The following OPCML variants were observed in gnomAD, a reference collection of about 807,000 sequenced individuals.
OPCML encodes the protein opioid binding protein/cell adhesion molecule like.
A neutral mutation model predicts 37.8 loss-of-function variants in OPCML; 13 were observed. That is an observed-to-expected ratio of 0.34 (90% CI 0.22 to 0.55). The LOEUF (loss-of-function observed/expected upper bound fraction) is 0.55. OPCML is among the 20% of genes least tolerant of loss of function. The probability of loss-of-function intolerance (pLI) is 0.91; values close to 1 mark genes in which losing one functional copy is unlikely to be tolerated. For missense variants in OPCML, 341 were observed against 435.6 expected (o/e 0.78, Z 1.93); for synonymous variants, 176 against 168.8 (o/e 1.04, Z -0.33).
chr11:133,056,640 A>C (rs1262873252), intron 1 of OPCML, among the ~76,000 whole-genome samples: 1 of 152,214 alleles, frequency 6.6e-6, no homozygotes. Context: ...TGATGTTATT[A>C]CCTGATTAAT....
At chr11:133,223,926 G>A (rs1014416030) in intron 1 of OPCML, among the ~76,000 whole-genome samples, 3 of 152,102 alleles carry the variant, frequency 2.0e-5, no homozygotes, top group African/African-American at 7.2e-5. Flanking sequence ...CACCACCAAC[G>A]TGGCCAGTAA....
chr11:132,878,914 G>T lies in OPCML; in HGVS notation c.146+64012C>A, dbSNP rs77098733. ...CAAGGATCTGAGCGTTGAGTACTTC[G>T]TATTTCATTTTGCATACTCTGGTTA... On this transcript the variant is annotated intron_variant, in intron 2 of 7. Transcript: ENST00000524381. Among the ~76,000 whole-genome samples, 460 of 152,228 alleles carry T rather than the reference G, an allele frequency of 3.0e-3. 2 individuals carry two copies. The highest frequency in any genetic ancestry group is 5.3e-3 in the Non-Finnish European group (361 of 68,016).
intron 4 of OPCML, among the ~76,000 whole-genome samples, chr11:132,484,812 G>A (rs901514601): frequency 6.6e-5 from 10 of 152,112 alleles, no homozygotes; most frequent in East Asian, 1.9e-4. Context: ...GTAAACTATC[G>A]CAAGAACAAA....
At chr11:133,355,622 TCTC>T (rs1392780564) in intron 1 of OPCML, among the ~76,000 whole-genome samples, 1 of 152,150 alleles carries the variant, frequency 6.6e-6, no homozygotes, top group Non-Finnish European at 1.5e-5. Flanking sequence ...TGGGTTCTCT[TCTC>T]CCAACCCTCA....
rs555111597 is a variant in OPCML, at chr11:132,893,958, C to T, written c.146+48968G>A. Among the ~76,000 whole-genome samples the T allele has an allele frequency of 1.5e-4, 23 of 152,246 alleles. 1 individual carries two copies. Among genetic ancestry groups the T allele is most frequent in the African/African-American group, 4.3e-4 (18 of 41,536 alleles). ...TGAAAACTTCTAGAAGCTAAAGATG[C>T]GTCTTTACATCACACACACACACAA... On this transcript the variant is annotated intron_variant, in intron 2 of 7. Coordinates refer to ENST00000524381, the MANE Select transcript of OPCML (RefSeq NM_001012393.5).
chr11:133,028,347 C>G (rs1689029786), intron 1 of OPCML, among the ~76,000 whole-genome samples: 1 of 152,160 alleles, frequency 6.6e-6, no homozygotes, highest in Non-Finnish European at 1.5e-5. Flanking sequence ...ATACCATCCT[C>G]TCCTGAAGGT....
intron 1 of OPCML, among the ~76,000 whole-genome samples, chr11:133,362,959 C>T (rs1025079563): frequency 3.9e-5 from 6 of 152,192 alleles, no homozygotes; most frequent in Admixed American, 2.0e-4. Context: ...AACCAGCGTG[C>T]TCTCTTGTTT....
chr11:132,943,163 G>C lies in OPCML; in HGVS notation c.62-153C>G. ...TGGTCCCCCGCCCCGCGCACCAGCG[G>C]GCTCGGGAAGCGGTGCGGGGAGGAG... On this transcript the variant is annotated intron_variant, in intron 1 of 7. Coordinates refer to ENST00000524381, the MANE Select transcript of OPCML (RefSeq NM_001012393.5). The surrounding 1 kb of genome is among the most constrained non-coding windows in gnomAD (Gnocchi z 4.3). 3 of 1,599,908 alleles carry C rather than the reference G, an allele frequency of 1.9e-6. No homozygotes were observed. The highest frequency in any genetic ancestry group is 2.6e-6 in the Non-Finnish European group (3 of 1,169,634).
intron 2 of OPCML, among the ~76,000 whole-genome samples, chr11:132,774,845 T>G (rs532467438): frequency 2.0e-5 from 3 of 152,324 alleles, no homozygotes; most frequent in South Asian, 4.2e-4. Flanking sequence ...TATTGATTAA[T>G]ACAAATAGCA....
At chr11:132,753,380 A>G (rs1945906198) in intron 2 of OPCML, among the ~76,000 whole-genome samples, 1 of 152,202 alleles carries the variant, frequency 6.6e-6, no homozygotes, top group Admixed American at 6.5e-5. Context: ...TCCAAGAACA[A>G]TATACTAGGA....
At chr11:132,425,881 G>A (rs1053771565) in intron 7 of OPCML, among the ~76,000 whole-genome samples, 13 of 152,210 alleles carry the variant, frequency 8.5e-5, no homozygotes, top group African/African-American at 2.7e-4. Flanking sequence ...CACATTTAAG[G>A]ACTCTTTCTC....
At chr11:133,249,467 T>A (rs181882437) in intron 1 of OPCML, among the ~76,000 whole-genome samples, 1 of 152,130 alleles carries the variant, frequency 6.6e-6, no homozygotes, top group Non-Finnish European at 1.5e-5. Flanking sequence ...ACATTGCGGA[T>A]CAAATTTCAA....
intron 1 of OPCML, among the ~76,000 whole-genome samples, chr11:133,035,792 T>C (rs10791271): frequency 0.15 from 22,210 of 152,058 alleles, 1,924 homozygotes; most frequent in Admixed American, 0.29. Flanking sequence ...GAAGAGGACA[T>C]TTGGACACAT....
intron 1 of OPCML, among the ~76,000 whole-genome samples, chr11:133,181,073 T>C (rs1187160727): frequency 2.0e-5 from 3 of 152,168 alleles, no homozygotes; most frequent in Non-Finnish European, 4.4e-5. Flanking sequence ...ACTGCAAAAT[T>C]TCATTTGTGT....
intron 1 of OPCML, among the ~76,000 whole-genome samples, chr11:133,403,606 T>C (rs1328588649): frequency 1.3e-5 from 2 of 152,214 alleles, no homozygotes; most frequent in African/African-American, 4.8e-5. Flanking sequence ...TCTTAGGAGA[T>C]TACCCTTTTA....
chr11:132,857,025 G>C (rs1942083122), intron 2 of OPCML, among the ~76,000 whole-genome samples: 1 of 152,066 alleles, frequency 6.6e-6, no homozygotes, highest in Admixed American at 6.5e-5. Context: ...TTTCTCTGGG[G>C]AGGCAAGAAT....
chr11:133,214,609 C>T (rs1452827217), intron 1 of OPCML, among the ~76,000 whole-genome samples: 1 of 152,182 alleles, frequency 6.6e-6, no homozygotes, highest in African/African-American at 2.4e-5. Flanking sequence ...AATTATCCAA[C>T]TAGAGCTTTT....
intron 2 of OPCML, among the ~76,000 whole-genome samples, chr11:132,797,630 C>A (rs909152201): frequency 4.6e-5 from 7 of 152,150 alleles, no homozygotes; most frequent in Admixed American, 2.6e-4. Context: ...TTATATTATA[C>A]TGTAATCTGT....
At chr11:132,623,326 T>C (rs1011051530) in intron 3 of OPCML, among the ~76,000 whole-genome samples, 2 of 151,846 alleles carry the variant, frequency 1.3e-5, no homozygotes, top group African/African-American at 2.4e-5. Context: ...TCGCCCACAG[T>C]TGCACCTATC....
Sources: allele counts gnomAD v4.1 joint callset (sites outside exome capture counted in the v4.1 genomes callset), GRCh38; gene constraint gnomAD v4.1.1; non-coding constraint Gnocchi (gnomAD v3.1); transcripts MANE v1.5; gene names NCBI Gene and HGNC (gene_info 2026-07-23, HGNC 2026-07-21).